The following GALNT1 variants were observed in gnomAD, a reference collection of about 807,000 sequenced individuals.
GALNT1 encodes polypeptide N-acetylgalactosaminyltransferase 1.
GALNT1 carries 17 observed loss-of-function variants against 65.7 expected under a neutral mutation model. That is an observed-to-expected ratio of 0.26 (90% CI 0.18 to 0.39). The LOEUF (loss-of-function observed/expected upper bound fraction) is 0.39. Among genes scored for constraint, GALNT1 ranks in the 10% least tolerant of loss-of-function variants. The probability of loss-of-function intolerance (pLI) is 1.00; values close to 1 mark genes in which losing one functional copy is unlikely to be tolerated. For synonymous variants in GALNT1, 210 were observed against 219.7 expected (o/e 0.96, Z 0.39); for missense variants, 460 against 672.8 (o/e 0.68, Z 3.50).
intron 1 of GALNT1, among the ~76,000 whole-genome samples, chr18:35,589,825 T>C (rs1022969914): frequency 4.8e-4 from 73 of 152,226 alleles, no homozygotes; most frequent in African/African-American, 1.7e-3. Flanking sequence ...ATGTGTAAAA[T>C]ATGAATTGCA....
intron 1 of GALNT1, among the ~76,000 whole-genome samples, chr18:35,653,952 G>C (rs1285677782): frequency 6.6e-6 from 1 of 152,180 alleles, no homozygotes; most frequent in East Asian, 1.9e-4. Context: ...TGCAGTTTTA[G>C]AATGGGATTC....
chr18:35,661,535 A>T (rs570528294), intron 2 of GALNT1, among the ~76,000 whole-genome samples: 1 of 151,936 alleles, frequency 6.6e-6, no homozygotes, highest in South Asian at 2.1e-4. Flanking sequence ...TTAAACTCTC[A>T]TGTATCCATC....
At chr18:35,606,896 G>A (rs1598782576) in intron 1 of GALNT1, among the ~76,000 whole-genome samples, 2 of 150,388 alleles carry the variant, frequency 1.3e-5, no homozygotes, top group Non-Finnish European at 3.0e-5. Context: ...TTTATAGATT[G>A]TGACCATCCA....
intron 5 of GALNT1, among the ~76,000 whole-genome samples, chr18:35,684,344 A>G (rs905762852): frequency 6.6e-6 from 1 of 152,180 alleles, no homozygotes; most frequent in African/African-American, 2.4e-5. Context: ...TGCTGGATCT[A>G]TATTTTTTCC....
intron 4 of GALNT1, among the ~76,000 whole-genome samples, chr18:35,680,666 C>T (rs2047773583): frequency 6.6e-6 from 1 of 152,156 alleles, no homozygotes; most frequent in South Asian, 2.1e-4. Context: ...TCAAGTTAAC[C>T]TGCTGAGTAA....
Position 35,691,837 on chromosome 18 carries a change from G to A in GALNT1, c.1160-344G>A, listed in dbSNP as rs776621832. The stretch of plus-strand genomic sequence containing the variant: ...CAGGGTGCACAGTTCAGTGAGTTGT[G>A]TGAGAGAAGCCTGACTGCAAACAAT... On this transcript the variant is annotated intron_variant, in intron 8 of 11. Transcript: ENST00000269195. Among the ~76,000 whole-genome samples, 69 of 152,190 alleles carry A rather than the reference G, an allele frequency of 4.5e-4. 2 individuals are homozygous for A. The highest frequency in any genetic ancestry group is 2.1e-4 in the Non-Finnish European group (14 of 68,036).
At chr18:35,709,550 A>G in intron 11 of GALNT1, 74 bp from the exon 12 acceptor site, 2 of 1,518,862 alleles carry the variant, frequency 1.3e-6, no homozygotes, top group South Asian at 1.2e-5. Context: ...CTGCAGAGGA[A>G]CTTAATCACC....
chr18:35,608,957 G>A (rs1409325517), intron 1 of GALNT1, among the ~76,000 whole-genome samples: 6 of 152,258 alleles, frequency 3.9e-5, no homozygotes, highest in African/African-American at 1.4e-4. Flanking sequence ...AGTGAACAGA[G>A]TAAAAGCTTT....
chr18:35,661,146 T>G (rs1427274037), intron 2 of GALNT1, among the ~76,000 whole-genome samples: 1 of 152,170 alleles, frequency 6.6e-6, no homozygotes, highest in East Asian at 1.9e-4. Context: ...ATTTCTCCAG[T>G]CCTCCTTAAT....
intron 1 of GALNT1, among the ~76,000 whole-genome samples, chr18:35,648,813 C>T (rs1282628999): frequency 6.6e-6 from 1 of 152,172 alleles, no homozygotes; most frequent in Non-Finnish European, 1.5e-5. Flanking sequence ...ACAGTGGACA[C>T]AGTTGTATGA....
At chr18:35,657,481 A>G (rs1433210787) in intron 2 of GALNT1, among the ~76,000 whole-genome samples, 7 of 152,186 alleles carry the variant, frequency 4.6e-5, no homozygotes, top group Non-Finnish European at 7.4e-5. Flanking sequence ...TGGTAGTTTA[A>G]GTCTTTTCTG....
chr18:35,707,301 G>A (rs1334653244), intron 11 of GALNT1, among the ~76,000 whole-genome samples: 1 of 152,148 alleles, frequency 6.6e-6, no homozygotes, highest in African/African-American at 2.4e-5. Flanking sequence ...ATTAATTATA[G>A]CTTTTATCCT....
chr18:35,708,525 A>G (rs924476467), intron 11 of GALNT1, among the ~76,000 whole-genome samples: 7 of 152,266 alleles, frequency 4.6e-5, no homozygotes, highest in Non-Finnish European at 2.9e-5. Context: ...AAAGAACTAC[A>G]TTAAAATAGA....
intron 1 of GALNT1, among the ~76,000 whole-genome samples, chr18:35,600,462 GCAAA>G (rs1277701650): frequency 6.6e-6 from 1 of 152,124 alleles, no homozygotes; most frequent in Non-Finnish European, 1.5e-5. Flanking sequence ...CCATGTTGTT[GCAAA>G]CAAGGATAAT....
At chr18:35,612,806 A>G (rs530328774) in intron 1 of GALNT1, among the ~76,000 whole-genome samples, 2 of 152,258 alleles carry the variant, frequency 1.3e-5, no homozygotes, top group South Asian at 2.1e-4. Context: ...TGGAGGTTGC[A>G]GTGAGCTAAT....
intron 1 of GALNT1, among the ~76,000 whole-genome samples, chr18:35,636,783 G>GTTTTTTTT (rs58909585): frequency 3.1e-5 from 2 of 64,222 alleles, no homozygotes; most frequent in Admixed American, 1.9e-4. Flanking sequence ...ATACTACTTT[G>GTTTTTTTT]TTTTTTTTTT....
At chr18:35,695,145 T>C (rs938873576) in intron 9 of GALNT1, among the ~76,000 whole-genome samples, 1 of 152,112 alleles carries the variant, frequency 6.6e-6, no homozygotes, top group African/African-American at 2.4e-5. Context: ...GAAAACAGTT[T>C]AGATGGTAAA....
At chr18:35,669,718 G>A (rs879678685) in intron 3 of GALNT1, among the ~76,000 whole-genome samples, 1 of 152,054 alleles carries the variant, frequency 6.6e-6, no homozygotes, top group Non-Finnish European at 1.5e-5. Context: ...AACCCTCCCA[G>A]CAAATATCTA....
chr18:35,707,359 G>A (rs1244238130), intron 11 of GALNT1, among the ~76,000 whole-genome samples: 1 of 152,170 alleles, frequency 6.6e-6, no homozygotes, highest in Non-Finnish European at 1.5e-5. Context: ...TTGTCCTGAT[G>A]CCTTAGTCCA....
Sources: allele counts gnomAD v4.1 joint callset (sites outside exome capture counted in the v4.1 genomes callset), GRCh38; gene constraint gnomAD v4.1.1; transcripts MANE v1.5; gene names NCBI Gene and HGNC (gene_info 2026-07-23, HGNC 2026-07-21).